Variants in CTXND1 observed in about 807,000 individuals in gnomAD.
CTXND1 encodes cortexin domain-containing 1 protein.
intron 1 of CTXND1, among the ~76,000 whole-genome samples, chr15:80,242,417 C>T (rs543420618): frequency 5.3e-5 from 8 of 152,234 alleles, no homozygotes; most frequent in Admixed American, 2.6e-4. Context: ...GATATGGCCC[C>T]GTCTGGCGCC....
Position 80,200,183 on chromosome 15 carries a change from C to G in CTXND1, c.*1587G>C, listed in dbSNP as rs970917778. 6.6e-6 allele frequency: 1 copy of G among 152,214 alleles called. No individual in the cohort carries two copies. The allele number at this position is 152,214 out of a possible 1,614,324, so 9.4% of individuals were successfully genotyped here. A position where few individuals can be genotyped will look rare whatever the true frequency, so the allele number is the denominator to read the frequency against. On this transcript the variant is annotated 3_prime_UTR_variant, in exon 3 of 3. Transcript: ENST00000560778. ...CTGAAGGTGCCAGGCTCTGTAGGGG[C>G]AGGGGGCACCCAGAACCTCTGCTCC...
At chr15:80,241,383 T>A (rs1049150232) in intron 1 of CTXND1, among the ~76,000 whole-genome samples, 1 of 152,186 alleles carries the variant, frequency 6.6e-6, no homozygotes, top group Non-Finnish European at 1.5e-5. Context: ...CTTTTCCCCT[T>A]TTCATGACTT....
intron 1 of CTXND1, among the ~76,000 whole-genome samples, chr15:80,204,647 G>GTATATATA (rs35359063): frequency 0.017 from 2,229 of 131,234 alleles, 33 homozygotes; most frequent in Non-Finnish European, 0.02. Flanking sequence ...ATATTCCATT[G>GTATATATA]TATATATATA....
At chr15:80,226,182 G>A (rs1240523435) in intron 1 of CTXND1, among the ~76,000 whole-genome samples, 6 of 152,212 alleles carry the variant, frequency 3.9e-5, no homozygotes. Context: ...GTTGTAGTCA[G>A]TAAAAAGAGA....
chr15:80,204,769 A>T (rs1332621314), intron 1 of CTXND1, among the ~76,000 whole-genome samples: 1 of 151,610 alleles, frequency 6.6e-6, no homozygotes, highest in African/African-American at 2.4e-5. Flanking sequence ...TGGGTGTACA[A>T]ATCTCTCCTT....
chr15:80,223,638 T>A (rs774275087), intron 1 of CTXND1, among the ~76,000 whole-genome samples: 6 of 152,088 alleles, frequency 3.9e-5, no homozygotes, highest in Admixed American at 6.6e-5. Flanking sequence ...TGGGCAGAGT[T>A]TTCCATGGTG....
intron 1 of CTXND1, among the ~76,000 whole-genome samples, chr15:80,213,682 G>A (rs1028392436): frequency 9.2e-5 from 14 of 152,144 alleles, no homozygotes; most frequent in Admixed American, 2.6e-4. Context: ...ATCCACATAG[G>A]GGAAGAAAAT....
chr15:80,203,380 G>A (rs550978691), intron 2 of CTXND1, among the ~76,000 whole-genome samples: 2 of 152,280 alleles, frequency 1.3e-5, no homozygotes, highest in Middle Eastern at 3.4e-3. Context: ...ACGTATCCAA[G>A]GTCCCACATC....
At chr15:80,242,383 T>C (rs1458923758) in intron 1 of CTXND1, among the ~76,000 whole-genome samples, 1 of 152,222 alleles carries the variant, frequency 6.6e-6, no homozygotes, top group Non-Finnish European at 1.5e-5. Flanking sequence ...CTTTCAGGCA[T>C]GCTGGGCAGG....
intron 1 of CTXND1, among the ~76,000 whole-genome samples, chr15:80,217,205 T>C (rs924855115): frequency 6.6e-6 from 1 of 152,086 alleles, no homozygotes; most frequent in Non-Finnish European, 1.5e-5. Context: ...TAGCAACATA[T>C]CAAGCCTTGG....
At chr15:80,211,083 C>T (rs1043977411) in intron 1 of CTXND1, among the ~76,000 whole-genome samples, 4 of 152,148 alleles carry the variant, frequency 2.6e-5, no homozygotes, top group Non-Finnish European at 5.9e-5. Context: ...ATGAGATCCT[C>T]GAGGACAGAG....
In CTXND1 at chr15:80,198,282, C is replaced by G. The variant is rs7165803; in HGVS notation, c.*3488G>C. Reference sequence around the variant, plus strand: ...GCACAGTACAAGCAACAACTTAAAACTGGCCACTAGGCACCATTGCCTGGA... The same window carrying G: ...GCACAGTACAAGCAACAACTTAAAAGTGGCCACTAGGCACCATTGCCTGGA... On this transcript the variant is annotated 3_prime_UTR_variant, in exon 3 of 3. Transcript: ENST00000560778. The G allele has an allele frequency of 0.068, 10,337 of 152,308 alleles. 427 individuals are homozygous for G. The highest frequency in any genetic ancestry group is 0.095 in the South Asian group (459 of 4,816). 9.4% of individuals were successfully genotyped at this position (152,308 alleles called of 1,614,324 possible).
intron 1 of CTXND1, among the ~76,000 whole-genome samples, chr15:80,243,847 C>T (rs1893598757): frequency 6.6e-6 from 1 of 152,150 alleles, no homozygotes; most frequent in Admixed American, 6.5e-5. Context: ...TTGGGGCTAC[C>T]AGCTTAGATG....
chr15:80,225,480 T>C (rs1034456987), intron 1 of CTXND1, among the ~76,000 whole-genome samples: 2 of 152,204 alleles, frequency 1.3e-5, no homozygotes, highest in African/African-American at 4.8e-5. Context: ...ATTATACAAA[T>C]ATACAGATAG....
intron 1 of CTXND1, among the ~76,000 whole-genome samples, chr15:80,246,580 T>C (rs1039693522): frequency 6.6e-6 from 1 of 152,238 alleles, no homozygotes; most frequent in African/African-American, 2.4e-5. Context: ...TGTCTCTCTA[T>C]GTTTAGAAGG....
At position 80,248,949 on chromosome 15, in the gene CTXND1, A is replaced by AT. The variant is rs60054169; in HGVS notation, c.-218+3057dup. 2.1e-3 allele frequency among the ~76,000 whole-genome samples: 317 copies of AT among 147,722 alleles called. 1 individual carries two copies. Among genetic ancestry groups the AT allele is most frequent in the Middle Eastern group, 7.0e-3 (2 of 284 alleles). ...ACAGTTCTCTTTCTTTCTTTTTTTG[A>AT]TTTTTTTTTTTTAATTTGGTAGAGA... is the stretch of plus-strand genomic sequence containing the variant. On this transcript the variant is annotated intron_variant, in intron 1 of 2. Coordinates refer to ENST00000560778, the MANE Select transcript of CTXND1 (RefSeq NM_001352888.2).
chr15:80,201,722 C>A lies in CTXND1; in HGVS notation c.*48G>T. 1 of 398,494 alleles carries A rather than the reference C, an allele frequency of 2.5e-6. No homozygotes were observed. The highest frequency in any genetic ancestry group is 3.6e-5 in the East Asian group (1 of 28,082). The allele number at this position is 398,494 out of a possible 1,614,324, so 24.7% of individuals were successfully genotyped here. A position where few individuals can be genotyped will look rare whatever the true frequency, so the allele number is the denominator to read the frequency against. On this transcript the variant is annotated 3_prime_UTR_variant, in exon 3 of 3. Transcript: ENST00000560778. ...GGGAACACACGGATGCATCCTGGGGCACAGCCACCCACAGAGCGCCAGGTC... is the reference window on the plus strand; with the variant it reads ...GGGAACACACGGATGCATCCTGGGGAACAGCCACCCACAGAGCGCCAGGTC...
chr15:80,209,420 C>G (rs1893182084), intron 1 of CTXND1, among the ~76,000 whole-genome samples: 1 of 152,208 alleles, frequency 6.6e-6, no homozygotes. Context: ...CATCATCCTT[C>G]AACACTGAGC....
chr15:80,204,219 T>C (rs1893123105), intron 1 of CTXND1, among the ~76,000 whole-genome samples: 2 of 106,100 alleles, frequency 1.9e-5, no homozygotes, highest in African/African-American at 3.8e-5. Context: ...CATACACACA[T>C]GCACACACAC....
Sources: gnomAD v4.1 joint callset for allele counts (sites outside exome capture counted in the v4.1 genomes callset) on GRCh38, gnomAD v4.1.1 for gene constraint, MANE v1.5 for transcripts, NCBI Gene and HGNC (gene_info 2026-07-23, HGNC 2026-07-21) for gene names.